SP4: variants seen among roughly 807,000 people sequenced by gnomAD.
SP4 encodes the protein transcription factor Sp4.
Under a neutral mutation model 72.8 loss-of-function variants are expected in SP4, and 19 were observed. That is an observed-to-expected ratio of 0.26 (90% CI 0.18 to 0.38). The LOEUF (loss-of-function observed/expected upper bound fraction) is 0.38. Ranked by LOEUF, SP4 falls within the 10% of genes least tolerant of loss-of-function variation. The pLI is 1.00. For missense variants in SP4, 1,008 were observed against 926.3 expected (o/e 1.09, Z -1.14); for synonymous variants, 395 against 333.1 (o/e 1.19, Z -2.02).
In SP4 at chr7:21,494,179, A is replaced by G. The variant is rs556279559; in HGVS notation, c.2107+12056A>G. ...TTGCTAGAAATCTGCAGTTAACATCATTCTTAATGATGAAGGACCTTTTGC... is the reference window on the plus strand; with the variant it reads ...TTGCTAGAAATCTGCAGTTAACATCGTTCTTAATGATGAAGGACCTTTTGC... On this transcript the variant is annotated intron_variant, in intron 5 of 5. Transcript: ENST00000222584. 3.0e-4 allele frequency among the ~76,000 whole-genome samples: 45 copies of G among 152,320 alleles called. 2 individuals carry two copies. The South Asian group carries it at 9.1e-3, about 31-fold the overall frequency.
intron 4 of SP4, 152 bp downstream of exon 4, chr7:21,477,459 C>T: frequency 1.6e-6 from 1 of 625,056 alleles, no homozygotes; most frequent in Admixed American, 2.8e-5. Context: ...TTAAGTTGGG[C>T]TATTTTAGGA....
At position 21,511,001 on chromosome 7, in the gene SP4, A is replaced by G. The variant is rs375491542; in HGVS notation, c.2108-21A>G. ...ACTTAAGCAAAATGTGTATAACGCC[A>G]TTTACTGTTTTTCTATGTAGGTGAA... On this transcript the variant is annotated intron_variant, in intron 5 of 5. Transcript: ENST00000222584. The G allele has an allele frequency of 3.2e-5, 51 of 1,586,448 alleles. No individual in the cohort carries two copies. The African/African-American group carries it at 5.3e-4, about 16-fold the overall frequency.
At chr7:21,446,869 G>A (rs560014468) in intron 3 of SP4, among the ~76,000 whole-genome samples, 1 of 144,984 alleles carries the variant, frequency 6.9e-6, no homozygotes, top group African/African-American at 2.6e-5. Context: ...AAAATGTTTT[G>A]ACAGATTCTT....
intron 5 of SP4, among the ~76,000 whole-genome samples, chr7:21,493,863 A>T (rs138622286): frequency 1.1e-4 from 16 of 152,314 alleles, no homozygotes; most frequent in African/African-American, 3.8e-4. Context: ...CCAAAGAAAA[A>T]AACTTAGACC....
intron 3 of SP4, among the ~76,000 whole-genome samples, chr7:21,437,940 G>A (rs773500965): frequency 3.6e-4 from 54 of 151,104 alleles, no homozygotes; most frequent in South Asian, 1.9e-3. Flanking sequence ...AATAATCAAA[G>A]AACGGAGTTT....
At chr7:21,475,432 T>G (rs1784470949) in intron 3 of SP4, among the ~76,000 whole-genome samples, 1 of 151,942 alleles carries the variant, frequency 6.6e-6, no homozygotes. Context: ...ACCCTTTTAT[T>G]TTGTATGCAG....
Position 21,444,623 on chromosome 7 carries a change from G to C in SP4, c.1678+13780G>C, listed in dbSNP as rs549674311. Among the ~76,000 whole-genome samples, 2 of 152,282 alleles carry C rather than the reference G, an allele frequency of 1.3e-5. 1 individual carries two copies. Among genetic ancestry groups the C allele is most frequent in the South Asian group, 4.1e-4 (2 of 4,830 alleles). ...TTTTCTGTGATCATTTATGGACTCA[G>C]TTTATTGTTTGTCTCTTATATGCCA... is the stretch of plus-strand genomic sequence containing the variant. On this transcript the variant is annotated intron_variant, in intron 3 of 5. Transcript: ENST00000222584.
chr7:21,487,534 C>T (rs1784853096), intron 5 of SP4, among the ~76,000 whole-genome samples: 1 of 151,104 alleles, frequency 6.6e-6, no homozygotes, highest in Non-Finnish European at 1.5e-5. Context: ...TTTTAATTTC[C>T]AATAGTGTAT....
chr7:21,481,537 A>G (rs1204008773), intron 4 of SP4, among the ~76,000 whole-genome samples: 2 of 152,152 alleles, frequency 1.3e-5, no homozygotes, highest in African/African-American at 4.8e-5. Context: ...GGAACTCCTC[A>G]CACTGCCCTG....
intron 5 of SP4, among the ~76,000 whole-genome samples, chr7:21,488,065 G>T (rs1784869134): frequency 6.6e-6 from 1 of 151,938 alleles, no homozygotes; most frequent in African/African-American, 2.4e-5. Flanking sequence ...ATTTTTCTCA[G>T]TGTTGCCCAG....
chr7:21,451,560 G>T (rs1358763817), intron 3 of SP4, among the ~76,000 whole-genome samples: 1 of 152,124 alleles, frequency 6.6e-6, no homozygotes, highest in Admixed American at 6.5e-5. Flanking sequence ...CCTCTTGCTG[G>T]CTGTCAGGGC....
intron 5 of SP4, among the ~76,000 whole-genome samples, chr7:21,486,195 G>C (rs1562619680): frequency 6.6e-6 from 1 of 150,426 alleles, no homozygotes; most frequent in South Asian, 2.1e-4. Flanking sequence ...TTTTCTGTAG[G>C]TGACCTGATT....
chr7:21,496,610 G>A (rs1221384157), intron 5 of SP4, among the ~76,000 whole-genome samples: 1 of 152,104 alleles, frequency 6.6e-6, no homozygotes, highest in Non-Finnish European at 1.5e-5. Flanking sequence ...AATGTGACTC[G>A]ATGTGACTCT....
At chr7:21,500,840 T>A (rs1426195960) in intron 5 of SP4, among the ~76,000 whole-genome samples, 1 of 152,128 alleles carries the variant, frequency 6.6e-6, no homozygotes, top group African/African-American at 2.4e-5. Flanking sequence ...CTCCATAACT[T>A]TAGTTAGATC....
chr7:21,510,241 A>G (rs1043167714), intron 5 of SP4, among the ~76,000 whole-genome samples: 5 of 152,300 alleles, frequency 3.3e-5, no homozygotes, highest in African/African-American at 1.2e-4. Flanking sequence ...TTAAGTAACA[A>G]TTTTAGAGGG....
intron 3 of SP4, among the ~76,000 whole-genome samples, chr7:21,438,479 G>C (rs544224932): frequency 2.6e-5 from 4 of 152,014 alleles, no homozygotes; most frequent in African/African-American, 9.6e-5. Context: ...ATATATTTCT[G>C]TTCATTCTTA....
At chr7:21,505,953 C>T (rs1304693296) in intron 5 of SP4, among the ~76,000 whole-genome samples, 1 of 151,908 alleles carries the variant, frequency 6.6e-6, no homozygotes. Context: ...GTTGCCTTCC[C>T]TAACCCTCAC....
At chr7:21,506,553 C>G (rs1322719151) in intron 5 of SP4, among the ~76,000 whole-genome samples, 1 of 152,114 alleles carries the variant, frequency 6.6e-6, no homozygotes, top group Admixed American at 6.5e-5. Flanking sequence ...TGATGTAAGT[C>G]TTTTCTGACT....
chr7:21,508,963 C>T (rs181526815), intron 5 of SP4, among the ~76,000 whole-genome samples: 12 of 151,914 alleles, frequency 7.9e-5, no homozygotes, highest in East Asian at 3.9e-4. Flanking sequence ...AATCTGGCCA[C>T]GACAAATTTA....
Sources: gnomAD v4.1 joint callset for allele counts (sites outside exome capture counted in the v4.1 genomes callset) on GRCh38, gnomAD v4.1.1 for gene constraint, MANE v1.5 for transcripts, NCBI Gene and HGNC (gene_info 2026-07-23, HGNC 2026-07-21) for gene names.